Variants in CENPW observed in about 807,000 individuals in gnomAD.
The protein encoded by CENPW is centromere protein W.
A neutral mutation model predicts 11.1 loss-of-function variants in CENPW; 3 were observed. That is an observed-to-expected ratio of 0.27 (90% CI 0.12 to 0.70). The LOEUF is 0.70. Ranked by LOEUF, CENPW falls within the 30% of genes least tolerant of loss-of-function variation. The probability of loss-of-function intolerance (pLI) is 0.77; values close to 1 mark genes in which losing one functional copy is unlikely to be tolerated. For synonymous variants in CENPW, 38 were observed against 42.0 expected, an observed-to-expected ratio of 0.91 and a Z score of 0.37; for missense variants, 100 against 105.6, an observed-to-expected ratio of 0.95 and a Z score of 0.23.
the CENPW span, among the ~76,000 whole-genome samples, chr6:126,452,439 C>A: frequency 6.6e-6 from 1 of 150,820 alleles, no homozygotes; most frequent in African/African-American, 2.4e-5. Context: ...TACAGGAGAA[C>A]GTATTAGAAA....
At chr6:126,424,821 G>A in the CENPW span, among the ~76,000 whole-genome samples, 1 of 151,994 alleles carries the variant, frequency 6.6e-6, no homozygotes, top group South Asian at 2.1e-4. Context: ...ATCAGAGTCT[G>A]CAGCCCTCAT....
At chr6:126,453,126 G>A in the CENPW span, among the ~76,000 whole-genome samples, 2 of 151,096 alleles carry the variant, frequency 1.3e-5, no homozygotes, top group Admixed American at 1.3e-4. Flanking sequence ...AAGCAACTTG[G>A]AAAACATATT....
chr6:126,368,193 G>A, the CENPW span, among the ~76,000 whole-genome samples: 9 of 152,176 alleles, frequency 5.9e-5, no homozygotes, highest in South Asian at 4.1e-4. Flanking sequence ...TTTATGTTCC[G>A]CACTGGGGGA....
At chr6:126,429,527 C>T in the CENPW span, among the ~76,000 whole-genome samples, 2 of 152,172 alleles carry the variant, frequency 1.3e-5, no homozygotes, top group Non-Finnish European at 2.9e-5. Context: ...TGCCTACTGC[C>T]GCTTCACCCC....
At chr6:126,389,957 T>C in the CENPW span, among the ~76,000 whole-genome samples, 4 of 151,890 alleles carry the variant, frequency 2.6e-5, no homozygotes, top group Non-Finnish European at 5.9e-5. Context: ...CAAGTTATGA[T>C]ATATGTGTGC....
chr6:126,351,335 G>T (rs1780488742), downstream of CENPW, among the ~76,000 whole-genome samples: 1 of 151,962 alleles, frequency 6.6e-6, no homozygotes, highest in Non-Finnish European at 1.5e-5. Context: ...TAGGAATTTT[G>T]CTGTTTTGGT....
the CENPW span, among the ~76,000 whole-genome samples, chr6:126,402,294 T>C: frequency 4.6e-5 from 7 of 151,600 alleles, no homozygotes; most frequent in Non-Finnish European, 8.8e-5. Context: ...CTCCCCTTCC[T>C]CCATTCCTCT....
the CENPW span, among the ~76,000 whole-genome samples, chr6:126,362,679 A>G: frequency 1.3e-5 from 2 of 152,206 alleles, no homozygotes; most frequent in Non-Finnish European, 2.9e-5. Context: ...TGCTTATATA[A>G]GAGCCCTAAA....
the CENPW span, among the ~76,000 whole-genome samples, chr6:126,406,008 A>T: frequency 6.6e-6 from 1 of 152,114 alleles, no homozygotes; most frequent in South Asian, 2.1e-4. Context: ...AGAGTGGTGA[A>T]AGTGAGCATC....
the CENPW span, among the ~76,000 whole-genome samples, chr6:126,358,787 CT>C: frequency 2.6e-5 from 4 of 151,980 alleles, no homozygotes. Flanking sequence ...AAATTGGGAC[CT>C]CCCAAGATTG....
chr6:126,359,434 G>A, the CENPW span, among the ~76,000 whole-genome samples: 5 of 151,994 alleles, frequency 3.3e-5, no homozygotes, highest in Non-Finnish European at 7.4e-5. Flanking sequence ...ATGTCTGTTA[G>A]GTCAAATCAG....
chr6:126,416,733 A>G, the CENPW span, among the ~76,000 whole-genome samples: 1 of 152,194 alleles, frequency 6.6e-6, no homozygotes, highest in African/African-American at 2.4e-5. Flanking sequence ...CTGCCAGTGC[A>G]CAGAAGTCAA....
At chr6:126,447,425 T>A in the CENPW span, among the ~76,000 whole-genome samples, 2 of 151,050 alleles carry the variant, frequency 1.3e-5, no homozygotes, top group Non-Finnish European at 3.0e-5. Context: ...ATTATGAAAA[T>A]GACAGGTAGC....
At chr6:126,344,035 T>A (rs1441005004) in intron 1 of CENPW, among the ~76,000 whole-genome samples, 11 of 152,104 alleles carry the variant, frequency 7.2e-5, no homozygotes, top group Non-Finnish European at 1.3e-4. Context: ...TAAAAAAAAA[T>A]TTTTTTGCCT....
At chr6:126,402,330 C>A in the CENPW span, among the ~76,000 whole-genome samples, 1 of 151,562 alleles carries the variant, frequency 6.6e-6, no homozygotes, top group African/African-American at 2.4e-5. Flanking sequence ...CCTTCCTTCC[C>A]CTCTCCATCT....
chr6:126,432,367 C>T, the CENPW span, among the ~76,000 whole-genome samples: 3 of 152,172 alleles, frequency 2.0e-5, no homozygotes, highest in African/African-American at 7.2e-5. Flanking sequence ...CTGTACCCTA[C>T]AATGCTGCAA....
chr6:126,401,480 T>C, the CENPW span, among the ~76,000 whole-genome samples: 1 of 152,050 alleles, frequency 6.6e-6, no homozygotes, highest in East Asian at 1.9e-4. Context: ...GGGGCTATGA[T>C]ACTGAGTCTT....
At chr6:126,420,526 TG>T in the CENPW span, among the ~76,000 whole-genome samples, 1 of 152,166 alleles carries the variant, frequency 6.6e-6, no homozygotes, top group Non-Finnish European at 1.5e-5. Context: ...TAATTTGTCT[TG>T]GCAAAGAAAT....
the CENPW span, among the ~76,000 whole-genome samples, chr6:126,417,452 G>A: frequency 6.6e-6 from 1 of 152,144 alleles, no homozygotes; most frequent in African/African-American, 2.4e-5. Flanking sequence ...ATTTGGGAGG[G>A]GCCAGGGGAA....
Sources: gnomAD v4.1 joint callset for allele counts (sites outside exome capture counted in the v4.1 genomes callset) on GRCh38, gnomAD v4.1.1 for gene constraint, MANE v1.5 for transcripts, NCBI Gene and HGNC (gene_info 2026-07-23, HGNC 2026-07-21) for gene names.